Variants in PTPRT observed in about 807,000 individuals in gnomAD.
PTPRT encodes protein tyrosine phosphatase receptor type T, also known as receptor-type tyrosine-protein phosphatase T.
A neutral mutation model predicts 176.8 loss-of-function variants in PTPRT; 56 were observed. That is an observed-to-expected ratio of 0.32 (90% CI 0.26 to 0.40). The LOEUF (loss-of-function observed/expected upper bound fraction) is 0.40. Ranked by LOEUF, PTPRT falls within the 10% of genes least tolerant of loss-of-function variation. PTPRT has a pLI of 1.00. For synonymous variants in PTPRT, 783 were observed against 739.0 expected (o/e 1.06, Z -0.96); for missense variants, 1,540 against 1,908.2 (o/e 0.81, Z 3.60).
intron 1 of PTPRT, among the ~76,000 whole-genome samples, chr20:43,067,543 T>C (rs1325319091): frequency 6.6e-6 from 1 of 152,162 alleles, no homozygotes; most frequent in Non-Finnish European, 1.5e-5. Flanking sequence ...AGTCAGTCCC[T>C]GGAGATTTTG....
In PTPRT at chr20:43,054,204, T is replaced by C. The variant is rs182855609; in HGVS notation, c.88+135442A>G. On this transcript the variant is annotated intron_variant, in intron 1 of 30. Coordinates refer to ENST00000373187, the MANE Select transcript of PTPRT (RefSeq NM_007050.6). The stretch of plus-strand genomic sequence containing the variant: ...CAAAATAGGGACTGGTAGAGAAGAG[T>C]TAATAGAAGCATCAAAATGGAGACA... 4.0e-3 allele frequency among the ~76,000 whole-genome samples: 615 copies of C among 151,918 alleles called. 4 individuals carry two copies. The highest frequency in any genetic ancestry group is 6.8e-3 in the Middle Eastern group (2 of 294).
chr20:42,190,756 A>G (rs1182830167), intron 16 of PTPRT, among the ~76,000 whole-genome samples: 1 of 152,202 alleles, frequency 6.6e-6, no homozygotes, highest in East Asian at 1.9e-4. Context: ...CTTTGAGCAG[A>G]TGACTCAGTG....
intron 14 of PTPRT, among the ~76,000 whole-genome samples, chr20:42,239,837 A>G (rs961800771): frequency 2.0e-5 from 3 of 152,034 alleles, no homozygotes; most frequent in African/African-American, 7.2e-5. Context: ...TATCTCTTTC[A>G]ATCCTCCCCA....
At chr20:42,758,455 C>T (rs899118832) in intron 5 of PTPRT, among the ~76,000 whole-genome samples, 1 of 152,148 alleles carries the variant, frequency 6.6e-6, no homozygotes, top group African/African-American at 2.4e-5. Flanking sequence ...GTATCCCAGG[C>T]CCCCATCAAA....
intron 9 of PTPRT, among the ~76,000 whole-genome samples, chr20:42,356,833 C>G (rs1255527583): frequency 2.6e-5 from 4 of 152,170 alleles, no homozygotes; most frequent in Non-Finnish European, 4.4e-5. Context: ...GTCCTCCCCC[C>G]AGCACCCCAA....
intron 9 of PTPRT, among the ~76,000 whole-genome samples, chr20:42,364,518 CA>C (rs1002664344): frequency 5.9e-5 from 9 of 151,944 alleles, no homozygotes; most frequent in Admixed American, 2.0e-4. Flanking sequence ...AAGAGATGAA[CA>C]TTTTTTTTTC....
intron 15 of PTPRT, among the ~76,000 whole-genome samples, chr20:42,200,868 C>T (rs1600667842): frequency 6.6e-6 from 1 of 152,338 alleles, no homozygotes; most frequent in East Asian, 1.9e-4. Flanking sequence ...CATTCCTGTC[C>T]TGTCTCAACA....
At position 42,388,007 on chromosome 20, in the gene PTPRT, G is replaced by A. The variant is rs924126744; in HGVS notation, c.1561-35722C>T. On this transcript the variant is annotated intron_variant, in intron 9 of 30. Coordinates refer to ENST00000373187, the MANE Select transcript of PTPRT (RefSeq NM_007050.6). ...GGGTTTCACCATGTTGGCCAGGCTC[G>A]TCTCGAACTCCTGACCTCGTGATCC... is the stretch of plus-strand genomic sequence containing the variant. 4.6e-5 allele frequency among the ~76,000 whole-genome samples: 7 copies of A among 152,174 alleles called. No individual in the cohort carries two copies. In the East Asian group the frequency reaches 5.8e-4, roughly 13 times the overall value.
intron 1 of PTPRT, among the ~76,000 whole-genome samples, chr20:43,070,474 A>G (rs527297254): frequency 2.6e-5 from 4 of 152,170 alleles, no homozygotes; most frequent in Non-Finnish European, 4.4e-5. Context: ...CCCATTATTG[A>G]GTATATACCC....
At chr20:42,428,210 T>C (rs771729072) in intron 9 of PTPRT, among the ~76,000 whole-genome samples, 4 of 152,168 alleles carry the variant, frequency 2.6e-5, no homozygotes, top group Non-Finnish European at 5.9e-5. Flanking sequence ...TGCCAAAGGG[T>C]TCCATAGATT....
At position 42,257,656 on chromosome 20, in the gene PTPRT, C is replaced by G. The variant is rs7271828; in HGVS notation, c.2177-8834G>C. Among the ~76,000 whole-genome samples, 81 of 99,064 alleles carry G rather than the reference C, an allele frequency of 8.2e-4. 7 individuals carry two copies. The highest frequency in any genetic ancestry group is 2.9e-3 in the African/African-American group (63 of 21,924). 65.0% of individuals were successfully genotyped at this position (99,064 alleles called of 152,430 possible). A position where few individuals can be genotyped will look rare whatever the true frequency, so the allele number is the denominator to read the frequency against. ...GCACCTCCCCCCACCCCCCCCCCCC[C>G]GCCCACTACTCTCTCTTGATCCTGA... On this transcript the variant is annotated intron_variant, in intron 13 of 30. Coordinates refer to ENST00000373187, the MANE Select transcript of PTPRT (RefSeq NM_007050.6).
intron 14 of PTPRT, among the ~76,000 whole-genome samples, chr20:42,247,814 A>G (rs1232098396): frequency 6.6e-6 from 1 of 152,208 alleles, no homozygotes; most frequent in African/African-American, 2.4e-5. Flanking sequence ...GGTGGCAGGC[A>G]GGGGCTAAGG....
intron 26 of PTPRT, 41 bp from the exon 27 acceptor site, chr20:42,098,593 A>G (rs200087242): frequency 1.8e-5 from 29 of 1,611,476 alleles, no homozygotes; most frequent in African/African-American, 1.7e-4. Context: ...TTACACATCC[A>G]TCAGTGATAT....
At chr20:42,306,138 T>C (rs944896049) in intron 12 of PTPRT, among the ~76,000 whole-genome samples, 7 of 152,212 alleles carry the variant, frequency 4.6e-5, no homozygotes, top group Non-Finnish European at 1.0e-4. Flanking sequence ...TCAGGTCTCA[T>C]ACCATGATAA....
intron 7 of PTPRT, among the ~76,000 whole-genome samples, chr20:42,658,813 A>G (rs1202552033): frequency 6.6e-6 from 1 of 152,206 alleles, no homozygotes; most frequent in East Asian, 1.9e-4. Flanking sequence ...ATTATATATT[A>G]TTCAATTTAA....
intron 1 of PTPRT, among the ~76,000 whole-genome samples, chr20:43,057,833 C>T (rs1037494373): frequency 1.3e-5 from 2 of 152,172 alleles, no homozygotes; most frequent in African/African-American, 4.8e-5. Flanking sequence ...GGACCTTTGC[C>T]ATTAGTCACA....
At chr20:42,374,066 C>G (rs889287471) in intron 9 of PTPRT, among the ~76,000 whole-genome samples, 14 of 152,176 alleles carry the variant, frequency 9.2e-5, no homozygotes, top group African/African-American at 3.1e-4. Context: ...TGCAAGTCAG[C>G]ACCTCTAACC....
chr20:43,082,871 C>A (rs2011477628), intron 1 of PTPRT, among the ~76,000 whole-genome samples: 1 of 152,126 alleles, frequency 6.6e-6, no homozygotes, highest in Non-Finnish European at 1.5e-5. Flanking sequence ...CAGATAACAC[C>A]TGGACAATGA....
At position 43,116,519 on chromosome 20, in the gene PTPRT, A is replaced by G. The variant is rs8123075; in HGVS notation, c.88+73127T>C. ...GAAAATAAATAATAGCAAAATAGCA[A>G]TGTCCTTTCCACCTGCCTTACTTAT... On this transcript the variant is annotated intron_variant, in intron 1 of 30. Transcript: ENST00000373187. 6.3e-3 allele frequency among the ~76,000 whole-genome samples: 956 copies of G among 152,312 alleles called. 4 individuals are homozygous for G. The highest frequency in any genetic ancestry group is 0.011 in the Non-Finnish European group (722 of 68,030).
Sources: allele counts gnomAD v4.1 joint callset (sites outside exome capture counted in the v4.1 genomes callset), GRCh38; gene constraint gnomAD v4.1.1; transcripts MANE v1.5; gene names NCBI Gene and HGNC (gene_info 2026-07-23, HGNC 2026-07-21).